ERG: variants seen among roughly 807,000 people sequenced by gnomAD.
ERG encodes ETS transcription factor ERG, also known as transcriptional regulator ERG.
ERG carries 9 observed loss-of-function variants against 55.3 expected under a neutral mutation model. The observed-to-expected ratio is 0.16, with a 90% CI of 0.10 to 0.28. ERG has a LOEUF of 0.28. ERG is among the 10% of genes least tolerant of loss of function. The probability of loss-of-function intolerance (pLI) is 1.00; values close to 1 mark genes in which losing one functional copy is unlikely to be tolerated. For synonymous variants in ERG, 223 were observed against 237.3 expected, an observed-to-expected ratio of 0.94 and a Z score of 0.55; for missense variants, 434 against 631.6, an observed-to-expected ratio of 0.69 and a Z score of 3.35.
At chr21:38,538,097 C>A (rs747061341) in intron 2 of ERG, among the ~76,000 whole-genome samples, 8 of 152,138 alleles carry the variant, frequency 5.3e-5, no homozygotes, top group Non-Finnish European at 1.2e-4. Context: ...TACGATTCCA[C>A]TTGTGTGAGT....
chr21:38,570,762 TA>T (rs2059952762), intron 2 of ERG, among the ~76,000 whole-genome samples: 1 of 152,198 alleles, frequency 6.6e-6, no homozygotes, highest in African/African-American at 2.4e-5. Flanking sequence ...TGAAACTGGA[TA>T]AGAATGCAAA....
upstream of ERG, among the ~76,000 whole-genome samples, chr21:38,589,242 C>T (rs1466407834): frequency 6.6e-6 from 1 of 152,190 alleles, no homozygotes; most frequent in Non-Finnish European, 1.5e-5. Flanking sequence ...GTGACAGCAG[C>T]CTGGGGAGAA....
chr21:38,377,798 C>T (rs1987283944), downstream of ERG, among the ~76,000 whole-genome samples: 1 of 152,132 alleles, frequency 6.6e-6, no homozygotes, highest in Non-Finnish European at 1.5e-5. Context: ...ATTGAGGGCC[C>T]CTGAGGCAGA....
intron 3 of ERG, among the ~76,000 whole-genome samples, chr21:38,414,283 A>C (rs114532758): frequency 6.6e-6 from 1 of 152,360 alleles, no homozygotes; most frequent in African/African-American, 2.4e-5. Context: ...TAAGGACACC[A>C]GTCATTTTAT....
chr21:38,488,821 T>A (rs1312613269), intron 1 of ERG, among the ~76,000 whole-genome samples: 1 of 152,248 alleles, frequency 6.6e-6, no homozygotes, highest in Non-Finnish European at 1.5e-5. Flanking sequence ...ACGGGGCATG[T>A]TACTCATAGA....
intron 1 of ERG, among the ~76,000 whole-genome samples, chr21:38,642,944 G>A (rs1178635568): frequency 3.3e-5 from 5 of 152,212 alleles, no homozygotes; most frequent in Admixed American, 2.0e-4. Context: ...CTGTGCCTTC[G>A]CAGCAAGAAT....
upstream of ERG, among the ~76,000 whole-genome samples, chr21:38,503,190 A>C (rs1311242837): frequency 6.6e-6 from 1 of 152,206 alleles, no homozygotes; most frequent in East Asian, 1.9e-4. Context: ...AATAAACATA[A>C]ATTATATCCT....
At chr21:38,648,108 T>C (rs966174692) in intron 1 of ERG, among the ~76,000 whole-genome samples, 3 of 152,212 alleles carry the variant, frequency 2.0e-5, no homozygotes, top group Non-Finnish European at 4.4e-5. Context: ...TTCCCAAATA[T>C]GTAATATGCA....
intron 2 of ERG, among the ~76,000 whole-genome samples, chr21:38,544,627 T>C (rs1182485843): frequency 6.6e-6 from 1 of 152,118 alleles, no homozygotes; most frequent in East Asian, 1.9e-4. Flanking sequence ...GGATATCTTA[T>C]TCTAATGAAC....
chr21:38,465,936 G>A (rs902886246), intron 1 of ERG, among the ~76,000 whole-genome samples: 4 of 152,250 alleles, frequency 2.6e-5, no homozygotes, highest in East Asian at 1.9e-4. Flanking sequence ...TTCAGAGGAG[G>A]TGCCTGGGCT....
rs566308809 is a variant in ERG at position 38,488,284 on chromosome 21, G to T, written c.18+10079C>A. Among the ~76,000 whole-genome samples the T allele has an allele frequency of 5.8e-4, 88 of 152,284 alleles. 2 individuals are homozygous for T. In the South Asian group the frequency reaches 0.018, roughly 31 times the overall value. On this transcript the variant is annotated intron_variant, in intron 1 of 9. Transcript: ENST00000288319. ...GCTGCTGAGTTCTTTGAGTATTTTA[G>T]GGACCTGCAGGAGATCTGGGTGGAG...
intron 3 of ERG, among the ~76,000 whole-genome samples, chr21:38,421,943 C>A (rs1043612797): frequency 2.6e-5 from 4 of 152,204 alleles, no homozygotes; most frequent in Admixed American, 2.0e-4. Flanking sequence ...ACCTCTGCCT[C>A]TCTGGTTCAA....
At chr21:38,563,690 G>A (rs952021256) in intron 2 of ERG, among the ~76,000 whole-genome samples, 1 of 152,236 alleles carries the variant, frequency 6.6e-6, no homozygotes, top group African/African-American at 2.4e-5. Context: ...ACTCGTATAT[G>A]TGAAGCATGT....
intron 2 of ERG, among the ~76,000 whole-genome samples, chr21:38,518,398 G>A (rs896958783): frequency 6.6e-6 from 1 of 152,060 alleles, no homozygotes; most frequent in African/African-American, 2.4e-5. Context: ...TCAGAATAGT[G>A]TTCATGCAGG....
chr21:38,460,743 T>C lies in ERG; in HGVS notation c.19-15122A>G, dbSNP rs1324285282. Reference sequence around the variant, plus strand: ...ACTGACTTGTGGCAACTGAAAGGAATAACGGCACCAAAGTATTCCCCTGCC... The same window carrying C: ...ACTGACTTGTGGCAACTGAAAGGAACAACGGCACCAAAGTATTCCCCTGCC... On this transcript the variant is annotated intron_variant, in intron 1 of 9. Transcript: ENST00000288319. This position sits in a 1 kb window ranked among gnomAD's most constrained non-coding sequence, Gnocchi z 5.0. Among the ~76,000 whole-genome samples the C allele has an allele frequency of 6.6e-6, 1 of 152,202 alleles. No individual in the cohort carries two copies. The highest frequency in any genetic ancestry group is 1.5e-5 in the Non-Finnish European group (1 of 68,036).
intron 2 of ERG, among the ~76,000 whole-genome samples, chr21:38,554,227 G>C (rs918281535): frequency 6.6e-6 from 1 of 152,168 alleles, no homozygotes; most frequent in South Asian, 2.1e-4. Context: ...TATATGCTGC[G>C]TGTGTGAATG....
chr21:38,481,693 A>T (rs2059239868), intron 1 of ERG, among the ~76,000 whole-genome samples: 1 of 152,220 alleles, frequency 6.6e-6, no homozygotes, highest in African/African-American at 2.4e-5. Context: ...GATGTTATTT[A>T]TATAATAAGT....
chr21:38,564,841 A>G (rs903278282), intron 2 of ERG, among the ~76,000 whole-genome samples: 4 of 152,118 alleles, frequency 2.6e-5, no homozygotes, highest in Non-Finnish European at 5.9e-5. Flanking sequence ...GCTCTTCTGC[A>G]TCTTGGTCCC....
At chr21:38,551,854 T>C in intron 2 of ERG, among the ~76,000 whole-genome samples, 1 of 152,176 alleles carries the variant, frequency 6.6e-6, no homozygotes, top group Non-Finnish European at 1.5e-5. Flanking sequence ...GTCTGTTAGG[T>C]CCATTTGGTC....
Sources: gnomAD v4.1 joint callset for allele counts (sites outside exome capture counted in the v4.1 genomes callset) on GRCh38, gnomAD v4.1.1 for gene constraint, Gnocchi (gnomAD v3.1) non-coding constraint, MANE v1.5 for transcripts, NCBI Gene and HGNC (gene_info 2026-07-23, HGNC 2026-07-21) for gene names.